MBNL3: variants seen among roughly 807,000 people sequenced by gnomAD.
The protein encoded by MBNL3 is muscleblind-like protein 3.
A neutral mutation model predicts 24.5 loss-of-function variants in MBNL3; 6 were observed. That is an observed-to-expected ratio of 0.25 (90% CI 0.13 to 0.48). The LOEUF (loss-of-function observed/expected upper bound fraction) is 0.48. MBNL3 is among the 20% of genes least tolerant of loss of function. MBNL3 has a pLI of 0.99. For synonymous variants in MBNL3, 100 were observed against 101.7 expected, an observed-to-expected ratio of 0.98 and a Z score of 0.10; for missense variants, 230 against 293.5, an observed-to-expected ratio of 0.78 and a Z score of 1.58.
chrX:132,488,111 A>G (rs1331179287), intron 1 of MBNL3, among the ~76,000 whole-genome samples: 2 of 112,113 alleles, frequency 1.8e-5, no homozygotes, highest in Admixed American at 9.4e-5. Flanking sequence ...TCAATTTACA[A>G]ACGATGTAAG....
At chrX:132,415,286 G>A (rs138354798) in intron 2 of MBNL3, among the ~76,000 whole-genome samples, 25 of 111,228 alleles carry the variant, frequency 2.2e-4, no homozygotes, top group African/African-American at 7.5e-4. Context: ...GTTTCCACTT[G>A]GTAAAATTAA....
chrX:132,381,563 A>G (rs1453248894), intron 8 of MBNL3: 4 of 329,992 alleles, frequency 1.2e-5, no homozygotes, highest in African/African-American at 5.4e-5. Context: ...CCCTAATACT[A>G]TACAATAATT....
chrX:132,380,811 G>A (rs1213959426), intron 8 of MBNL3, among the ~76,000 whole-genome samples: 1 of 109,930 alleles, frequency 9.1e-6, no homozygotes, highest in Non-Finnish European at 1.9e-5. Flanking sequence ...TGGGCACCAG[G>A]CAAAGAGGAG....
intron 1 of MBNL3, among the ~76,000 whole-genome samples, chrX:132,472,906 T>G (rs2047438813): frequency 8.9e-6 from 1 of 111,774 alleles, no homozygotes; most frequent in Non-Finnish European, 1.9e-5. Flanking sequence ...CATCATAATA[T>G]TAAACCAGAG....
chrX:132,411,424 T>A, intron 2 of MBNL3: 2 of 753,799 alleles, frequency 2.7e-6, no homozygotes, highest in Non-Finnish European at 3.1e-6. Context: ...CCCACTAAGA[T>A]AACTTGATTC....
At position 132,413,650 on chromosome X, in the gene MBNL3, T is replaced by G. The variant is rs1943024898; in HGVS notation, c.178-7258A>C. The G allele has an allele frequency of 2.9e-6, 3 of 1,045,254 alleles. No individual in the cohort carries two copies. In the African/African-American group the frequency reaches 5.8e-5, roughly 20 times the overall value. The allele number at this position is 1,045,254 out of a possible 1,213,427, so 86.1% of individuals were successfully genotyped here. A position where few individuals can be genotyped will look rare whatever the true frequency, so the allele number is the denominator to read the frequency against. On this transcript the variant is annotated intron_variant, in intron 2 of 8. Transcript: ENST00000370853. ...ACAGCAATTTTTGATCCATAGCTCC[T>G]CCCACCAAAAGCTTCACACGGCTCG...
At chrX:132,386,631 TCG>T in intron 6 of MBNL3, 28 bp downstream of exon 6, 2 of 1,207,152 alleles carry the variant, frequency 1.7e-6, no homozygotes, top group Non-Finnish European at 2.2e-6. Flanking sequence ...ATCACCAAAC[TCG>T]CTGCAGTGCC....
chrX:132,413,151 G>A (rs1942960980), intron 2 of MBNL3, among the ~76,000 whole-genome samples: 1 of 111,571 alleles, frequency 9.0e-6, no homozygotes, highest in Admixed American at 9.4e-5. Context: ...CTGCTCCTAG[G>A]CTTCTTTACC....
rs1933464566 is a variant in MBNL3, at chrX:132,369,916, C to G, written c.*9750G>C. ...GCTGGGCTGCACTGGCCAGAACTGC[C>G]ATTGTATACTAATTTCTGCATCCAC... On this transcript the variant is annotated 3_prime_UTR_variant, in exon 9 of 9. Coordinates refer to ENST00000370853, the MANE Select transcript of MBNL3 (RefSeq NM_001386889.1). The G allele has an allele frequency of 8.9e-6, 1 of 111,938 alleles. No individual in the cohort carries two copies. Among genetic ancestry groups the G allele is most frequent in the African/African-American group, 3.2e-5 (1 of 30,777 alleles). The allele number at this position is 111,938 out of a possible 1,213,427, so 9.2% of individuals were successfully genotyped here.
intron 3 of MBNL3, among the ~76,000 whole-genome samples, chrX:132,394,747 C>T (rs1326658496): frequency 1.8e-5 from 2 of 112,197 alleles, no homozygotes; most frequent in African/African-American, 6.5e-5. Context: ...TTTATGGTAG[C>T]TTTTTACTTC....
intron 1 of MBNL3, among the ~76,000 whole-genome samples, chrX:132,442,894 C>G (rs189822985): frequency 8.9e-6 from 1 of 112,164 alleles, no homozygotes; most frequent in African/African-American, 3.2e-5. Flanking sequence ...AAGTGCAACA[C>G]TCAAGGGAGC....
Position 132,396,430 on chromosome X carries a change from C to CTA in MBNL3, c.343-4098_343-4097dup, listed in dbSNP as rs1385387618. Among the ~76,000 whole-genome samples, 56 of 73,947 alleles carry CTA rather than the reference C, an allele frequency of 7.6e-4. 1 individual carries two copies. The highest frequency in any genetic ancestry group is 3.0e-3 in the African/African-American group (55 of 18,454). 64.2% of individuals were successfully genotyped at this position (73,947 alleles called of 115,157 possible). On this transcript the variant is annotated intron_variant, in intron 3 of 8. Coordinates refer to ENST00000370853, the MANE Select transcript of MBNL3 (RefSeq NM_001386889.1). ...CATATATATTCCTATATATATATTC[C>CTA]TATATATATTCATATATATTCCTAT...
chrX:132,450,949 TA>T (rs1946078515), intron 1 of MBNL3, among the ~76,000 whole-genome samples: 1 of 112,501 alleles, frequency 8.9e-6, no homozygotes, highest in Non-Finnish European at 1.9e-5. Context: ...TGTTGGAGTT[TA>T]CTGGAGGTCC....
chrX:132,421,175 T>G (rs1415276838), intron 2 of MBNL3, among the ~76,000 whole-genome samples: 1 of 112,094 alleles, frequency 8.9e-6, no homozygotes, highest in Non-Finnish European at 1.9e-5. Flanking sequence ...AAAGTAAAAT[T>G]TAGTCTGTTT....
At chrX:132,401,325 A>G (rs990278662) in intron 3 of MBNL3, among the ~76,000 whole-genome samples, 1 of 111,648 alleles carries the variant, frequency 9.0e-6, no homozygotes, top group South Asian at 3.8e-4. Flanking sequence ...ACTTACAAAA[A>G]TTAAAAAGTA....
intron 2 of MBNL3, among the ~76,000 whole-genome samples, chrX:132,409,720 G>T (rs1287884473): frequency 9.0e-6 from 1 of 110,955 alleles, no homozygotes; most frequent in Non-Finnish European, 1.9e-5. Flanking sequence ...ACTAAAATCA[G>T]CAGCTAAGGG....
chrX:132,445,297 T>G (rs957565546), intron 1 of MBNL3, among the ~76,000 whole-genome samples: 1 of 110,967 alleles, frequency 9.0e-6, no homozygotes, highest in African/African-American at 3.3e-5. Flanking sequence ...GTTTTCAAAT[T>G]TGCTTCAAGT....
chrX:132,433,369 C>G (rs1215759024), intron 2 of MBNL3, among the ~76,000 whole-genome samples: 2 of 111,942 alleles, frequency 1.8e-5, no homozygotes, highest in Non-Finnish European at 3.8e-5. Context: ...TGGCCACATT[C>G]CCAGGGGATA....
intron 4 of MBNL3, 113 bp from the exon 5 acceptor site, chrX:132,391,196 TTA>T (rs1937121935): frequency 2.0e-6 from 1 of 507,713 alleles, no homozygotes. Context: ...ATTGAATATA[TTA>T]TGTGTGAACA....
Sources: gnomAD v4.1 joint callset for allele counts (sites outside exome capture counted in the v4.1 genomes callset) on GRCh38, gnomAD v4.1.1 for gene constraint, MANE v1.5 for transcripts, NCBI Gene and HGNC (gene_info 2026-07-23, HGNC 2026-07-21) for gene names.